Variants in GALNT13 observed in about 807,000 individuals in gnomAD.
GALNT13 encodes UDP-GalNAc:polypeptide N-acetylgalactosaminyltransferase 13.
GALNT13 carries 28 observed loss-of-function variants against 64.2 expected under a neutral mutation model. That is an observed-to-expected ratio of 0.44 (90% confidence interval 0.32 to 0.60). The LOEUF (loss-of-function observed/expected upper bound fraction) is 0.60, where lower values mean the gene tolerates loss of function less well. GALNT13 is among the 20% of genes least tolerant of loss of function. The probability of loss-of-function intolerance (pLI) is 0.05; values close to 1 mark genes in which losing one functional copy is unlikely to be tolerated. For missense variants in GALNT13, 577 were observed against 669.8 expected, an observed-to-expected ratio of 0.86 and a Z score of 1.53; for synonymous variants, 214 against 224.6, an observed-to-expected ratio of 0.95 and a Z score of 0.42.
chr2:153,825,872 C>A, the GALNT13 span, among the ~76,000 whole-genome samples: 1 of 152,102 alleles, frequency 6.6e-6, no homozygotes, highest in Non-Finnish European at 1.5e-5. Context: ...AAAGTGGTGG[C>A]TTGCTTGGTG....
intron 4 of GALNT13, among the ~76,000 whole-genome samples, chr2:154,204,382 G>C (rs1573870474): frequency 6.6e-6 from 1 of 152,066 alleles, no homozygotes; most frequent in African/African-American, 2.4e-5. Flanking sequence ...CTTATATACT[G>C]TAGGTATGCA....
At chr2:153,124,402 A>G in the GALNT13 span, among the ~76,000 whole-genome samples, 151 of 152,332 alleles carry the variant, frequency 9.9e-4, 2 homozygotes, top group African/African-American at 3.4e-3. Flanking sequence ...AGCAAATATA[A>G]AAGCTATTAA....
At chr2:153,328,592 TTTG>T in the GALNT13 span, among the ~76,000 whole-genome samples, 1 of 152,158 alleles carries the variant, frequency 6.6e-6, no homozygotes, top group Non-Finnish European at 1.5e-5. Flanking sequence ...TCCCGGTGGC[TTTG>T]TTTACATTGT....
At chr2:154,273,443 G>T (rs1362950244) in intron 8 of GALNT13, among the ~76,000 whole-genome samples, 1 of 152,168 alleles carries the variant, frequency 6.6e-6, no homozygotes, top group African/African-American at 2.4e-5. Context: ...GGTTAGGAGA[G>T]AGGTCATCCT....
the GALNT13 span, among the ~76,000 whole-genome samples, chr2:153,535,792 C>G: frequency 3.9e-5 from 6 of 152,236 alleles, no homozygotes; most frequent in South Asian, 1.2e-3. Flanking sequence ...AAAGGTTTCA[C>G]TGAATACTAA....
intron 1 of GALNT13, among the ~76,000 whole-genome samples, chr2:153,888,978 A>G (rs2105262268): frequency 6.6e-6 from 1 of 152,140 alleles, no homozygotes; most frequent in South Asian, 2.1e-4. Context: ...ATATTTAGCA[A>G]TATGATTAAT....
At chr2:153,281,028 G>T in the GALNT13 span, among the ~76,000 whole-genome samples, 1 of 152,168 alleles carries the variant, frequency 6.6e-6, no homozygotes, top group African/African-American at 2.4e-5. Context: ...CTCATTTTAT[G>T]GATCTGGGTG....
At chr2:153,497,294 G>GT in the GALNT13 span, among the ~76,000 whole-genome samples, 5 of 152,100 alleles carry the variant, frequency 3.3e-5, no homozygotes, top group East Asian at 3.9e-4. Flanking sequence ...AAGTATATAA[G>GT]TTTTTTCAAA....
the GALNT13 span, among the ~76,000 whole-genome samples, chr2:153,704,797 G>A: frequency 6.6e-6 from 1 of 152,074 alleles, no homozygotes; most frequent in Admixed American, 6.6e-5. Context: ...TTTTCATACA[G>A]ATTAACAGCA....
intron 3 of GALNT13, 30 bp from the exon 4 acceptor site, chr2:154,140,307 T>C (rs1315945857): frequency 1.3e-6 from 2 of 1,560,232 alleles, no homozygotes; most frequent in East Asian, 2.2e-5. Context: ...TGTGTTTGTA[T>C]GTATGTCTGT....
At chr2:153,599,882 A>G in the GALNT13 span, among the ~76,000 whole-genome samples, 721 of 152,116 alleles carry the variant, frequency 4.7e-3, 4 homozygotes, top group African/African-American at 0.016. Context: ...CCCTCTTCTC[A>G]GAGCTGACAC....
chr2:154,354,288 A>G (rs1292606498), intron 9 of GALNT13, among the ~76,000 whole-genome samples: 2 of 151,972 alleles, frequency 1.3e-5, no homozygotes, highest in African/African-American at 4.8e-5. Context: ...TAAATTTTGA[A>G]TATCAATCCC....
At chr2:153,867,644 A>G (rs2105203004), upstream of GALNT13, among the ~76,000 whole-genome samples, 1 of 152,110 alleles carries the variant, frequency 6.6e-6, no homozygotes, top group East Asian at 1.9e-4. Flanking sequence ...ATATTATGAA[A>G]TAATTATCTA....
intron 8 of GALNT13, among the ~76,000 whole-genome samples, chr2:154,272,116 G>A (rs1691386984): frequency 6.6e-6 from 1 of 151,764 alleles, no homozygotes. Context: ...ATTTTATAGG[G>A]CTTATCCAGA....
chr2:153,435,741 G>A, the GALNT13 span, among the ~76,000 whole-genome samples: 2 of 152,108 alleles, frequency 1.3e-5, no homozygotes, highest in African/African-American at 4.8e-5. Flanking sequence ...AGATGATGGG[G>A]TTTTCTAGAT....
intron 3 of GALNT13, among the ~76,000 whole-genome samples, chr2:154,139,586 A>G (rs1324172179): frequency 6.7e-6 from 1 of 150,238 alleles, no homozygotes; most frequent in Non-Finnish European, 1.5e-5. Context: ...TTGTCTTATT[A>G]CTATATATTA....
the GALNT13 span, among the ~76,000 whole-genome samples, chr2:153,654,100 G>A: frequency 2.0e-5 from 3 of 152,012 alleles, no homozygotes; most frequent in African/African-American, 7.2e-5. Context: ...GTGTAATCAA[G>A]CCTCTTGATC....
the GALNT13 span, among the ~76,000 whole-genome samples, chr2:153,076,756 C>G: frequency 6.6e-6 from 1 of 151,844 alleles, no homozygotes; most frequent in Non-Finnish European, 1.5e-5. Context: ...GTTATTAAAT[C>G]CATGTCTAGA....
At chr2:153,945,655 G>A (rs1230381332) in intron 3 of GALNT13, among the ~76,000 whole-genome samples, 1 of 152,054 alleles carries the variant, frequency 6.6e-6, no homozygotes, top group African/African-American at 2.4e-5. Flanking sequence ...TTAATAAACA[G>A]AATCTCATTA....
Sources: gnomAD v4.1 joint callset for allele counts (sites outside exome capture counted in the v4.1 genomes callset) on GRCh38, gnomAD v4.1.1 for gene constraint, MANE v1.5 for transcripts, NCBI Gene and HGNC (gene_info 2026-07-23, HGNC 2026-07-21) for gene names.